Variants in SGO1 observed in about 807,000 individuals in gnomAD.
SGO1 encodes serologically defined breast cancer antigen NY-BR-85.
Under a neutral mutation model 50.5 loss-of-function variants are expected in SGO1, and 39 were observed. The observed-to-expected ratio is 0.77, with a 90% CI of 0.60 to 1.01. SGO1 has a LOEUF of 1.01. SGO1 is among the 50% of genes least tolerant of loss of function. The probability of loss-of-function intolerance (pLI) is 0.00; values close to 1 mark genes in which losing one functional copy is unlikely to be tolerated. For missense variants in SGO1, 638 were observed against 606.0 expected (o/e 1.05, Z -0.55); for synonymous variants, 191 against 205.1 (o/e 0.93, Z 0.59).
At chr3:20,168,954 A>G (rs1700460377), downstream of SGO1, 10 of 985,210 alleles carry the variant, frequency 1.0e-5, no homozygotes, top group African/African-American at 1.7e-5. Flanking sequence ...TGACTTTTTA[A>G]TGGTCTGTAG....
chr3:20,186,745 A>G (rs1369817280), upstream of SGO1: 1 of 152,218 alleles, frequency 6.6e-6, no homozygotes. Context: ...CTTCTCGAGA[A>G]ATGGCACCAA....
At chr3:20,173,753 G>A (rs2125294843) in intron 6 of SGO1, among the ~76,000 whole-genome samples, 1 of 152,238 alleles carries the variant, frequency 6.6e-6, no homozygotes, top group Non-Finnish European at 1.5e-5. Context: ...AATATTTTCT[G>A]AGCCAGTTTT....
In SGO1 at chr3:20,170,605, T is replaced by C. The variant is rs1700611147; in HGVS notation, c.*99A>G. The C allele has an allele frequency of 2.1e-6, 3 of 1,399,866 alleles. No individual in the cohort carries two copies. Among genetic ancestry groups the C allele is most frequent in the Non-Finnish European group, 2.8e-6 (3 of 1,082,316 alleles). 86.7% of individuals were successfully genotyped at this position (1,399,866 alleles called of 1,614,324 possible). On this transcript the variant is annotated 3_prime_UTR_variant, in exon 8 of 8. Transcript: ENST00000412997. ...CTAGGGTCCTGTCAAGAGAATATTC[T>C]ATGGCAATGGCTCACTCTGTTTGTG...
intron 8 of SGO1, among the ~76,000 whole-genome samples, chr3:20,163,643 T>C (rs1221226883): frequency 6.6e-6 from 1 of 152,152 alleles, no homozygotes; most frequent in East Asian, 1.9e-4. Flanking sequence ...GGAAAAATAA[T>C]AAGAGCGAGA....
chr3:20,168,174 T>A (rs1700400806), downstream of SGO1, among the ~76,000 whole-genome samples: 3 of 152,338 alleles, frequency 2.0e-5, no homozygotes, highest in South Asian at 6.2e-4. Context: ...GATTTTAGGA[T>A]AATGATTGAC....
intron 8 of SGO1, among the ~76,000 whole-genome samples, chr3:20,161,643 C>A (rs1300057629): frequency 6.6e-6 from 1 of 152,108 alleles, no homozygotes; most frequent in African/African-American, 2.4e-5. Flanking sequence ...AGAACAAGAT[C>A]TAGCACAGTT....
At chr3:20,182,814 C>G (rs575069353) in intron 3 of SGO1, among the ~76,000 whole-genome samples, 21 of 152,020 alleles carry the variant, frequency 1.4e-4, no homozygotes, top group Non-Finnish European at 2.5e-4. Flanking sequence ...GTCAGGAGAT[C>G]GAGACCATCC....
At chr3:20,165,489 C>A (rs1700248171), downstream of SGO1, among the ~76,000 whole-genome samples, 1 of 152,000 alleles carries the variant, frequency 6.6e-6, no homozygotes. Context: ...TAACAATTCC[C>A]AAGGGAGAAA....
chr3:20,164,409 G>A (rs1200660584), intron 8 of SGO1, among the ~76,000 whole-genome samples: 1 of 152,060 alleles, frequency 6.6e-6, no homozygotes. Context: ...AAACCTCCCA[G>A]CAAAGAAGGA....
At chr3:20,166,837 T>C (rs537529716), downstream of SGO1, among the ~76,000 whole-genome samples, 32 of 92,126 alleles carry the variant, frequency 3.5e-4, no homozygotes, top group Admixed American at 6.3e-4. Context: ...AGTCCCCATC[T>C]CTACCAAAAA....
At chr3:20,185,277 A>G (rs1702506235) in intron 1 of SGO1, among the ~76,000 whole-genome samples, 1 of 152,018 alleles carries the variant, frequency 6.6e-6, no homozygotes, top group Admixed American at 6.6e-5. Context: ...TAACGGATCT[A>G]GTTTAGTTAA....
At chr3:20,181,883 G>A (rs1157559175) in intron 3 of SGO1, among the ~76,000 whole-genome samples, 2 of 152,114 alleles carry the variant, frequency 1.3e-5, no homozygotes, top group Non-Finnish European at 2.9e-5. Context: ...CCAGGAGTTC[G>A]AGACACCTGA....
intron 1 of SGO1, 121 bp downstream of exon 1, chr3:20,185,827 C>G (rs1702594041): frequency 6.6e-6 from 1 of 152,234 alleles, no homozygotes; most frequent in Non-Finnish European, 1.5e-5. Flanking sequence ...GATCGAGTGG[C>G]TGAACGGCGA....
At position 20,174,889 on chromosome 3, in the gene SGO1, A is replaced by T; in HGVS notation, c.642T>A (p.Ser214Arg). 1 of 1,614,058 alleles carries T rather than the reference A, an allele frequency of 6.2e-7. No individual in the cohort carries two copies. Among genetic ancestry groups the T allele is most frequent in the Non-Finnish European group, 8.5e-7 (1 of 1,179,992 alleles). ...ATTCAAAAGACTTCCCTGCCAAATGACTGGTTTCAAAATCATCCAAGCTAT... is the reference window on the plus strand; with the variant it reads ...ATTCAAAAGACTTCCCTGCCAAATGTCTGGTTTCAAAATCATCCAAGCTAT... Reference protein sequence around the residue: ...QFDSLDDFETSHLAGKSFEFE... With the variant: ...QFDSLDDFETRHLAGKSFEFE... Residue 214 changes from serine to arginine, a missense_variant, in exon 6 of 8, where the codon AGT becomes AGA. By Grantham distance (110) the Ser-to-Arg change is moderately radical. Coordinates refer to ENST00000412997, the MANE Select transcript of SGO1 (RefSeq NM_001199251.3).
At chr3:20,179,504 A>G (rs1015438959) in intron 3 of SGO1, among the ~76,000 whole-genome samples, 11 of 145,348 alleles carry the variant, frequency 7.6e-5, no homozygotes, top group African/African-American at 2.8e-4. Context: ...AGCTCACTGC[A>G]GCCTTGAACT....
At chr3:20,161,066 G>T (rs778060438) in exon 9 of SGO1, 2 of 1,612,638 alleles carry the variant, frequency 1.2e-6, no homozygotes, top group African/African-American at 1.3e-5. Context: ...TGAATGCATG[G>T]ACTAAAAAAG....
At position 20,174,643 on chromosome 3, in the gene SGO1, T is replaced by G. The variant is rs1433599857; in HGVS notation, c.888A>C (p.Arg296Ser). 1 of 1,603,076 alleles carries G rather than the reference T, an allele frequency of 6.2e-7. No homozygotes were observed. Among genetic ancestry groups the G allele is most frequent in the Non-Finnish European group, 8.5e-7 (1 of 1,175,600 alleles). Reference protein sequence around the residue: ...DTQERKREEKRKANRRKSKRM... With the variant: ...DTQERKREEKSKANRRKSKRM... ...GTTTTGATTTTCTCCTGTTAGCTTT[T>G]CTTTTCTCTTCTCTTTTTCTTTCTT... Residue 296 changes from arginine to serine, a missense_variant, in exon 6 of 8, where the codon AGA (arginine) becomes AGC (serine). Arg to Ser is a moderately radical substitution (Grantham distance 110, BLOSUM62 -1). Coordinates refer to ENST00000412997, the MANE Select transcript of SGO1 (RefSeq NM_001199251.3).
At position 20,170,399 on chromosome 3, in the gene SGO1, C is replaced by CAA. The variant is rs574515660; in HGVS notation, c.*303_*304dup. 207 of 733,682 alleles carry CAA rather than the reference C, an allele frequency of 2.8e-4. No homozygotes were observed. Among genetic ancestry groups the CAA allele is most frequent in the Middle Eastern group, 7.1e-4 (1 of 1,404 alleles). The allele number at this position is 733,682 out of a possible 1,614,324, so 45.4% of individuals were successfully genotyped here. A position where few individuals can be genotyped will look rare whatever the true frequency, so the allele number is the denominator to read the frequency against. ...GGCAACAAGAATGAAATTCCGCCTC[C>CAA]AAAAAAAAAAAAAGATATATTTCGA... On this transcript the variant is annotated 3_prime_UTR_variant, in exon 8 of 8. Transcript: ENST00000412997.
chr3:20,161,350 G>A, intron 8 of SGO1: 1 of 1,362,754 alleles, frequency 7.3e-7, no homozygotes, highest in Non-Finnish European at 9.6e-7. Context: ...TAGAAAATAT[G>A]TGAGCAAACA....
Sources: gnomAD v4.1 joint callset for allele counts (sites outside exome capture counted in the v4.1 genomes callset) on GRCh38, gnomAD v4.1.1 for gene constraint, MANE v1.5 for transcripts, NCBI Gene and HGNC (gene_info 2026-07-23, HGNC 2026-07-21) for gene names.